IMPA2: variants seen among roughly 807,000 people sequenced by gnomAD.
IMPA2 encodes inositol monophosphatase 2, also known as IMP 2.
IMPA2 carries 32 observed loss-of-function variants against 35.1 expected under a neutral mutation model. That is an observed-to-expected ratio of 0.91 (90% CI 0.69 to 1.23). IMPA2 has a LOEUF of 1.23. Among genes scored for constraint, IMPA2 ranks in the 50% most tolerant of loss-of-function variants. The pLI is 0.00. For synonymous variants in IMPA2, 135 were observed against 160.6 expected (o/e 0.84, Z 1.20); for missense variants, 334 against 387.6 (o/e 0.86, Z 1.16).
At chr18:12,013,522 G>GT (rs1568035053) in intron 4 of IMPA2, among the ~76,000 whole-genome samples, 2 of 152,284 alleles carry the variant, frequency 1.3e-5, no homozygotes, top group South Asian at 4.1e-4. Flanking sequence ...TGGCCAGGGT[G>GT]TTTTTTTAAT....
rs1342551916 is a variant in IMPA2 at position 12,010,013 on chromosome 18, T to C, written c.335+26T>C. Reference sequence around the variant, plus strand: ...GTGAGCTGAGCAGGGATCGCCTCCATTGCAGGGCTTAACATGTCCTCTTCT... The same window carrying C: ...GTGAGCTGAGCAGGGATCGCCTCCACTGCAGGGCTTAACATGTCCTCTTCT... On this transcript the variant is annotated intron_variant, in intron 3 of 7. Coordinates refer to ENST00000269159, the MANE Select transcript of IMPA2 (RefSeq NM_014214.3). This position sits in a 1 kb window ranked among gnomAD's most constrained non-coding sequence, Gnocchi z 4.8. 8 of 1,540,288 alleles carry C rather than the reference T, an allele frequency of 5.2e-6. No individual in the cohort carries two copies. The highest frequency in any genetic ancestry group is 7.2e-6 in the Non-Finnish European group (8 of 1,114,456).
chr18:11,996,254 T>C (rs1229892353), intron 1 of IMPA2, among the ~76,000 whole-genome samples: 1 of 152,138 alleles, frequency 6.6e-6, no homozygotes, highest in Non-Finnish European at 1.5e-5. Context: ...AGGTGAGCTG[T>C]GAAGGGCTCG....
intron 2 of IMPA2, among the ~76,000 whole-genome samples, chr18:12,009,017 G>GGGAA (rs59370584): frequency 0.11 from 17,129 of 152,174 alleles, 1,380 homozygotes; most frequent in East Asian, 0.29. Context: ...GGGGCAGGGA[G>GGGAA]CGTCCCAGCC....
chr18:11,984,553 A>G (rs1362041524), intron 1 of IMPA2, among the ~76,000 whole-genome samples: 7 of 152,182 alleles, frequency 4.6e-5, no homozygotes, highest in East Asian at 3.8e-4. Context: ...AGAAAATACA[A>G]ACTTTGCCAG....
intron 2 of IMPA2, among the ~76,000 whole-genome samples, chr18:12,007,640 T>TTTTTCTTTC (rs1491275117): frequency 7.8e-5 from 7 of 89,542 alleles, no homozygotes; most frequent in African/African-American, 3.4e-4. Context: ...TCTTTCTTTC[T>TTTTTCTTTC]TTCTTTCTTT....
At chr18:11,988,677 A>C (rs761644400) in intron 1 of IMPA2, among the ~76,000 whole-genome samples, 2 of 152,160 alleles carry the variant, frequency 1.3e-5, no homozygotes, top group African/African-American at 2.4e-5. Flanking sequence ...TGAGAGAAAG[A>C]GAGGAGCCAA....
At chr18:11,985,800 G>A (rs1385708582) in intron 1 of IMPA2, among the ~76,000 whole-genome samples, 1 of 152,150 alleles carries the variant, frequency 6.6e-6, no homozygotes, top group African/African-American at 2.4e-5. Context: ...AGAGAAATGT[G>A]ACTGCAAACC....
chr18:12,007,554 C>G (rs557927047), intron 2 of IMPA2, among the ~76,000 whole-genome samples: 1 of 151,398 alleles, frequency 6.6e-6, no homozygotes, highest in East Asian at 1.9e-4. Context: ...ACATGGGACG[C>G]TTCTTTCTTT....
chr18:12,026,238 G>A (rs891451139), intron 5 of IMPA2, among the ~76,000 whole-genome samples: 1 of 151,742 alleles, frequency 6.6e-6, no homozygotes, highest in Admixed American at 6.6e-5. Context: ...TCTCCATGTT[G>A]GTCAGGCTGG....
chr18:11,982,724 C>T (rs1412090672), intron 1 of IMPA2, among the ~76,000 whole-genome samples: 2 of 149,480 alleles, frequency 1.3e-5, no homozygotes, highest in Non-Finnish European at 2.9e-5. Flanking sequence ...ACCTGGGAGG[C>T]GAAGGTTGCA....
At position 12,002,514 on chromosome 18, in the gene IMPA2, C is replaced by G. The variant is rs562689218; in HGVS notation, c.230+3327C>G. 1.1e-3 allele frequency among the ~76,000 whole-genome samples: 163 copies of G among 152,244 alleles called. 1 individual carries two copies. Among genetic ancestry groups the G allele is most frequent in the African/African-American group, 3.8e-3 (159 of 41,534 alleles). ...TCTGGTGGGGTGCAGTGGCTCATGT[C>G]TGTAATACTAGCACTTCAGGAGCCC... is the stretch of plus-strand genomic sequence containing the variant. On this transcript the variant is annotated intron_variant, in intron 2 of 7. Transcript: ENST00000269159.
intron 7 of IMPA2, 111 bp downstream of exon 7, chr18:12,029,104 T>G: frequency 1.2e-6 from 1 of 815,048 alleles, no homozygotes; most frequent in South Asian, 2.2e-5. Flanking sequence ...TCCCCAGAGT[T>G]TCTGTTTTTT....
chr18:12,026,155 C>T (rs909306206), intron 5 of IMPA2, among the ~76,000 whole-genome samples: 6 of 151,604 alleles, frequency 4.0e-5, no homozygotes, highest in Non-Finnish European at 8.8e-5. Context: ...CTGCCTCAGC[C>T]TCCTGCTAGC....
intron 1 of IMPA2, among the ~76,000 whole-genome samples, chr18:11,982,030 A>G (rs1402560665): frequency 2.0e-5 from 3 of 152,316 alleles, no homozygotes; most frequent in East Asian, 3.9e-4. Context: ...CGTTTGAGTG[A>G]GTGGTCAGAA....
chr18:12,000,161 TCTTTA>T (rs1052984033), intron 2 of IMPA2, among the ~76,000 whole-genome samples: 3 of 152,096 alleles, frequency 2.0e-5, no homozygotes, highest in Non-Finnish European at 4.4e-5. Context: ...AAAATACTTT[TCTTTA>T]CATTTATTTT....
rs186519821 is a variant in IMPA2 at position 12,017,346 on chromosome 18, C to T, written c.490+2973C>T. ...GGTCACTTCCTAGTCAGTACTTCAG[C>T]GTGTCTCCAAAAACAGACTGCTCTC... On this transcript the variant is annotated intron_variant, in intron 5 of 7. Transcript: ENST00000269159. 1.8e-4 allele frequency among the ~76,000 whole-genome samples: 28 copies of T among 152,292 alleles called. No individual in the cohort carries two copies. The East Asian group carries it at 4.1e-3, about 22-fold the overall frequency.
chr18:11,996,903 G>C (rs1391644389), intron 1 of IMPA2, among the ~76,000 whole-genome samples: 1 of 150,546 alleles, frequency 6.6e-6, no homozygotes. Flanking sequence ...GATACACACA[G>C]AGACACACAT....
chr18:12,009,452 G>A (rs914705107), intron 2 of IMPA2, among the ~76,000 whole-genome samples: 1 of 152,170 alleles, frequency 6.6e-6, no homozygotes, highest in African/African-American at 2.4e-5. Flanking sequence ...ACCCCTCGGT[G>A]CCCAGGTATC....
At chr18:12,014,174 A>G (rs1306638296) in intron 4 of IMPA2, 91 bp from the exon 5 acceptor site, 7 of 864,168 alleles carry the variant, frequency 8.1e-6, no homozygotes, top group Non-Finnish European at 1.2e-5. Context: ...CCTAACGCCT[A>G]GCGCAGCCTT....
Sources: gnomAD v4.1 joint callset for allele counts (sites outside exome capture counted in the v4.1 genomes callset) on GRCh38, gnomAD v4.1.1 for gene constraint, Gnocchi (gnomAD v3.1) non-coding constraint, MANE v1.5 for transcripts, NCBI Gene and HGNC (gene_info 2026-07-23, HGNC 2026-07-21) for gene names.